STX18: variants seen among roughly 807,000 people sequenced by gnomAD.
The protein encoded by STX18 is syntaxin 18, also known as syntaxin-18.
Under a neutral mutation model 50.1 loss-of-function variants are expected in STX18, and 40 were observed. The observed-to-expected ratio is 0.80, with a 90% CI of 0.62 to 1.04. The LOEUF is 1.04. Among genes scored for constraint, STX18 ranks in the 50% least tolerant of loss-of-function variants. The pLI, the probability that STX18 is intolerant of heterozygous loss-of-function variation, is 0.00. For missense variants in STX18, 410 were observed against 415.8 expected, an observed-to-expected ratio of 0.99 and a Z score of 0.12; for synonymous variants, 158 against 151.8, an observed-to-expected ratio of 1.04 and a Z score of -0.30.
At chr4:4,540,161 A>G (rs1731517600) in intron 1 of STX18, among the ~76,000 whole-genome samples, 2 of 152,200 alleles carry the variant, frequency 1.3e-5, no homozygotes, top group Non-Finnish European at 2.9e-5. Flanking sequence ...GGAGGAGAAA[A>G]AAAGGACCAT....
chr4:4,518,069 G>A (rs1350992895), intron 1 of STX18, among the ~76,000 whole-genome samples: 7 of 152,208 alleles, frequency 4.6e-5, no homozygotes, highest in South Asian at 2.1e-4. Flanking sequence ...CACCACACCC[G>A]GCCTATATGT....
At chr4:4,471,834 T>G (rs2108836311) in intron 1 of STX18, 128 bp from the exon 2 acceptor site, 3 of 649,126 alleles carry the variant, frequency 4.6e-6, no homozygotes, top group Non-Finnish European at 7.6e-6. Flanking sequence ...GCACCGTCGG[T>G]TTTGGACTCT....
intron 8 of STX18, 108 bp from the exon 9 acceptor site, chr4:4,423,695 C>CAG (rs10675705): frequency 0.8 from 899,844 of 1,126,752 alleles, 362,910 homozygotes; most frequent in African/African-American, 0.96. Context: ...GTGGGAGAGA[C>CAG]AGGGGGCACA....
chr4:4,498,021 G>A (rs912210831), intron 1 of STX18, among the ~76,000 whole-genome samples: 3 of 152,182 alleles, frequency 2.0e-5, no homozygotes, highest in African/African-American at 7.2e-5. Flanking sequence ...ATTCATGTAA[G>A]TGGGCGATGT....
intron 1 of STX18, among the ~76,000 whole-genome samples, chr4:4,495,509 C>G (rs905374934): frequency 1.1e-4 from 17 of 151,804 alleles, no homozygotes; most frequent in Non-Finnish European, 1.8e-4. Flanking sequence ...CTGCCTCAGC[C>G]TCCCAAGTAA....
At chr4:4,453,659 C>G (rs1726898353) in intron 5 of STX18, 2 of 982,858 alleles carry the variant, frequency 2.0e-6, no homozygotes, top group Non-Finnish European at 2.4e-6. Context: ...TTCTTTTATG[C>G]CTCCAGCAAA....
chr4:4,438,282 A>G, intron 6 of STX18, 112 bp downstream of exon 6: 2 of 842,612 alleles, frequency 2.4e-6, no homozygotes, highest in Non-Finnish European at 3.8e-6. Context: ...GCTTTATGCA[A>G]ATACAAACAC....
intron 2 of STX18, among the ~76,000 whole-genome samples, chr4:4,466,122 C>G (rs879665438): frequency 5.3e-5 from 8 of 152,080 alleles, no homozygotes; most frequent in Non-Finnish European, 1.2e-4. Flanking sequence ...AAGAAAAGCA[C>G]AGAAAAAGAG....
At chr4:4,499,662 G>A (rs1021780179) in intron 1 of STX18, 6 of 355,288 alleles carry the variant, frequency 1.7e-5, no homozygotes, top group African/African-American at 1.1e-4. Context: ...GTGAGAACAG[G>A]AACTGTCAAG....
At chr4:4,449,541 G>C (rs1726635444) in intron 5 of STX18, among the ~76,000 whole-genome samples, 1 of 152,160 alleles carries the variant, frequency 6.6e-6, no homozygotes, top group African/African-American at 2.4e-5. Context: ...CTCTGAATTT[G>C]AGTTTGATGT....
chr4:4,463,938 A>G (rs1727502030), intron 2 of STX18, among the ~76,000 whole-genome samples: 1 of 152,212 alleles, frequency 6.6e-6, no homozygotes, highest in Non-Finnish European at 1.5e-5. Context: ...ACAAAGCATC[A>G]AGGATTATTT....
At chr4:4,475,226 A>C (rs1249489090) in intron 1 of STX18, among the ~76,000 whole-genome samples, 1 of 152,220 alleles carries the variant, frequency 6.6e-6, no homozygotes, top group African/African-American at 2.4e-5. Flanking sequence ...ATGCTCTGTA[A>C]TGGGAAATTT....
Position 4,487,161 on chromosome 4 carries a change from C to T in STX18, c.169-15455G>A, listed in dbSNP as rs771277352. On this transcript the variant is annotated intron_variant, in intron 1 of 10. Transcript: ENST00000306200. ...CACGAGGGTACACTCTTTCTGTAAA[C>T]ATCATCTGCATAAGGAAGAACTTTG... Among the ~76,000 whole-genome samples the T allele has an allele frequency of 1.1e-4, 16 of 152,210 alleles. 1 individual carries two copies. The South Asian group carries it at 1.9e-3, about 18-fold the overall frequency.
intron 5 of STX18, among the ~76,000 whole-genome samples, chr4:4,443,174 C>G (rs1726211328): frequency 6.6e-6 from 1 of 152,190 alleles, no homozygotes; most frequent in Non-Finnish European, 1.5e-5. Flanking sequence ...ACTTATGGGA[C>G]TCTATCCCAA....
chr4:4,428,614 C>T (rs1725373268), intron 7 of STX18, among the ~76,000 whole-genome samples: 1 of 152,162 alleles, frequency 6.6e-6, no homozygotes, highest in Non-Finnish European at 1.5e-5. Flanking sequence ...GGGACCCCTT[C>T]TACCCTCTAG....
intron 1 of STX18, among the ~76,000 whole-genome samples, chr4:4,490,935 A>AC (rs1229334416): frequency 6.6e-6 from 1 of 152,082 alleles, no homozygotes; most frequent in Admixed American, 6.5e-5. Flanking sequence ...TTTCACACAA[A>AC]CTTCCGAAGT....
chr4:4,444,688 T>A (rs1726294931), intron 5 of STX18, among the ~76,000 whole-genome samples: 1 of 152,240 alleles, frequency 6.6e-6, no homozygotes, highest in African/African-American at 2.4e-5. Context: ...TAATAGTGTT[T>A]CTGAGTTCCA....
At chr4:4,526,381 T>C (rs931099074) in intron 1 of STX18, among the ~76,000 whole-genome samples, 3 of 152,200 alleles carry the variant, frequency 2.0e-5, no homozygotes, top group Admixed American at 2.0e-4. Flanking sequence ...TCTATCTTCT[T>C]GGGCTTGGTA....
intron 7 of STX18, among the ~76,000 whole-genome samples, chr4:4,430,255 C>T (rs534131405): frequency 3.3e-5 from 5 of 152,174 alleles, no homozygotes; most frequent in South Asian, 4.2e-4. Context: ...GGAAAAATTC[C>T]GAAACAGTGA....
Sources: allele counts gnomAD v4.1 joint callset (sites outside exome capture counted in the v4.1 genomes callset), GRCh38; gene constraint gnomAD v4.1.1; transcripts MANE v1.5; gene names NCBI Gene and HGNC (gene_info 2026-07-23, HGNC 2026-07-21).